DBX2: variants seen among roughly 807,000 people sequenced by gnomAD.
DBX2 encodes the protein developing brain homeobox 2.
Under a neutral mutation model 17.7 loss-of-function variants are expected in DBX2, and 16 were observed. The observed-to-expected ratio is 0.90, with a 90% CI of 0.61 to 1.37. DBX2 has a LOEUF of 1.37. DBX2 is among the 40% of genes most tolerant of loss of function. The pLI, the probability that DBX2 is intolerant of heterozygous loss-of-function variation, is 0.00. For missense variants in DBX2, 538 were observed against 433.8 expected, an observed-to-expected ratio of 1.24 and a Z score of -2.13; for synonymous variants, 255 against 183.8, an observed-to-expected ratio of 1.39 and a Z score of -3.13.
intron 2 of DBX2, among the ~76,000 whole-genome samples, chr12:45,032,311 A>C (rs1241675751): frequency 6.6e-6 from 1 of 152,170 alleles, no homozygotes; most frequent in Non-Finnish European, 1.5e-5. Flanking sequence ...TTAGAAAAAA[A>C]ATTCTGCATC....
At chr12:45,036,188 G>T in intron 1 of DBX2, 74 bp from the exon 2 acceptor site, 1 of 1,303,760 alleles carries the variant, frequency 7.7e-7, no homozygotes, top group Non-Finnish European at 1.0e-6. Flanking sequence ...TTTCCTAAAA[G>T]TCATTGAGTA....
At chr12:45,041,862 C>G (rs1404823692) in intron 1 of DBX2, among the ~76,000 whole-genome samples, 1 of 152,124 alleles carries the variant, frequency 6.6e-6, no homozygotes, top group Non-Finnish European at 1.5e-5. Flanking sequence ...AGATTTGAGT[C>G]TGCTGGTTAA....
At chr12:45,019,673 T>C (rs1392870493) in intron 3 of DBX2, among the ~76,000 whole-genome samples, 1 of 152,046 alleles carries the variant, frequency 6.6e-6, no homozygotes, top group Admixed American at 6.6e-5. Context: ...GGAAGTAACT[T>C]AAAATTGACG....
chr12:45,029,911 T>TAAATAAATAAATAAATAAAA (rs1478147925), intron 2 of DBX2, among the ~76,000 whole-genome samples: 35 of 144,334 alleles, frequency 2.4e-4, no homozygotes, highest in African/African-American at 9.0e-4. Context: ...AATAAATAAA[T>TAAATAAATAAATAAATAAAA]AAAAATAAAG....
At chr12:45,033,162 A>C (rs903161030) in intron 2 of DBX2, among the ~76,000 whole-genome samples, 1 of 152,212 alleles carries the variant, frequency 6.6e-6, no homozygotes, top group African/African-American at 2.4e-5. Flanking sequence ...AGAAGTTAAC[A>C]AGAAAAACTA....
At chr12:45,024,626 C>A (rs1232425585) in intron 2 of DBX2, among the ~76,000 whole-genome samples, 1 of 152,166 alleles carries the variant, frequency 6.6e-6, no homozygotes, top group Non-Finnish European at 1.5e-5. Context: ...TGAACACTTA[C>A]TATATGCCAG....
In DBX2 at chr12:45,050,775, C is replaced by G. The variant is rs1046908271; in HGVS notation, c.153G>C (p.Thr51=). Residue 51 remains threonine, a synonymous_variant, in exon 1 of 4, where the codon ACG becomes ACC. Transcript: ENST00000332700. ...GGGGCGCGGGCGGCTGCAGCCTGGGCGTTGGGGCGCCCCCGACCCGCAGCA... is the reference window on the plus strand; with the variant it reads ...GGGGCGCGGGCGGCTGCAGCCTGGGGGTTGGGGCGCCCCCGACCCGCAGCA... ...ENLLRVGGAP[T]PRLQPPAPHD... 1 of 1,514,758 alleles carries G rather than the reference C, an allele frequency of 6.6e-7. No individual in the cohort carries two copies. Among genetic ancestry groups the G allele is most frequent in the Admixed American group, 2.2e-5 (1 of 45,580 alleles). The allele number at this position is 1,514,758 out of a possible 1,614,324, so 93.8% of individuals were successfully genotyped here.
At chr12:45,032,087 T>C (rs1946413719) in intron 2 of DBX2, among the ~76,000 whole-genome samples, 1 of 146,162 alleles carries the variant, frequency 6.8e-6, no homozygotes, top group African/African-American at 2.5e-5. Flanking sequence ...ACTCCAATAC[T>C]TTCACTGCCT....
intron 2 of DBX2, among the ~76,000 whole-genome samples, chr12:45,031,577 T>C (rs1946411396): frequency 6.6e-6 from 1 of 152,202 alleles, no homozygotes; most frequent in Admixed American, 6.5e-5. Flanking sequence ...TCAATTTTTT[T>C]CCCAAAATTC....
Position 45,051,077 on chromosome 12 carries a change from G to C in DBX2, c.-150C>G. ...CAGGCAGGGAGGAAAGGCCACCCGG[G>C]ACGGCGGCGGACTTGGAACGATATT... On this transcript the variant is annotated 5_prime_UTR_variant, in exon 1 of 4. Coordinates refer to ENST00000332700, the MANE Select transcript of DBX2 (RefSeq NM_001004329.3). 1 of 850,858 alleles carries C rather than the reference G, an allele frequency of 1.2e-6. No individual in the cohort carries two copies. The allele number at this position is 850,858 out of a possible 1,614,324, so 52.7% of individuals were successfully genotyped here.
At chr12:45,049,964 T>G (rs1405914649) in intron 1 of DBX2, among the ~76,000 whole-genome samples, 1 of 152,044 alleles carries the variant, frequency 6.6e-6, no homozygotes, top group Non-Finnish European at 1.5e-5. Context: ...CCTAAAGTGA[T>G]CCAAAATTTA....
At chr12:45,047,644 C>A (rs2137033642) in intron 1 of DBX2, among the ~76,000 whole-genome samples, 1 of 152,190 alleles carries the variant, frequency 6.6e-6, no homozygotes, top group African/African-American at 2.4e-5. Context: ...AAAGGGAAAG[C>A]TAATTTCTTC....
chr12:45,040,669 G>C (rs1185407051), intron 1 of DBX2, among the ~76,000 whole-genome samples: 1 of 152,088 alleles, frequency 6.6e-6, no homozygotes, highest in Non-Finnish European at 1.5e-5. Context: ...TGGTGAACTA[G>C]CCTGATTTTT....
At chr12:45,048,059 A>G (rs1565587792) in intron 1 of DBX2, among the ~76,000 whole-genome samples, 1 of 152,192 alleles carries the variant, frequency 6.6e-6, no homozygotes, top group Admixed American at 6.5e-5. Flanking sequence ...AGCCTGATAC[A>G]TGGGAGACAC....
intron 3 of DBX2, among the ~76,000 whole-genome samples, chr12:45,020,503 G>A (rs1946345929): frequency 4.0e-5 from 6 of 151,888 alleles, no homozygotes; most frequent in Admixed American, 3.9e-4. Flanking sequence ...TAGGATAGAG[G>A]ATACCCTTGG....
At chr12:45,031,746 G>A (rs1415155536) in intron 2 of DBX2, among the ~76,000 whole-genome samples, 2 of 152,186 alleles carry the variant, frequency 1.3e-5, no homozygotes, top group Non-Finnish European at 2.9e-5. Context: ...GTACTCTGAT[G>A]TCTCTTGTTC....
rs1484015240 is a variant in DBX2 at position 45,050,965 on chromosome 12, C to G, written c.-38G>C. 2.2e-6 allele frequency: 3 copies of G among 1,376,834 alleles called. No homozygotes were observed. Among genetic ancestry groups the G allele is most frequent in the African/African-American group, 3.1e-5 (2 of 65,116 alleles). The allele number at this position is 1,376,834 out of a possible 1,614,324, so 85.3% of individuals were successfully genotyped here. A position where few individuals can be genotyped will look rare whatever the true frequency, so the allele number is the denominator to read the frequency against. ...ACCGGTCTGCTGCGCGCCCGCCTTG[C>G]GCCCGCCTGTCGCCCGGGCGCCCCG... is the stretch of plus-strand genomic sequence containing the variant. On this transcript the variant is annotated 5_prime_UTR_variant, in exon 1 of 4. Transcript: ENST00000332700.
At chr12:45,050,201 A>C (rs1254287046) in intron 1 of DBX2, among the ~76,000 whole-genome samples, 3 of 152,286 alleles carry the variant, frequency 2.0e-5, no homozygotes, top group African/African-American at 7.2e-5. Flanking sequence ...CTTGAGACTG[A>C]TCCAGGCAGG....
Position 45,016,188 on chromosome 12 carries a change from T to C in DBX2, c.*98A>G. 7.7e-7 allele frequency: 1 copy of C among 1,305,762 alleles called. No homozygotes were observed. Among genetic ancestry groups the C allele is most frequent in the Non-Finnish European group, 1.0e-6 (1 of 972,200 alleles). 80.9% of individuals were successfully genotyped at this position (1,305,762 alleles called of 1,614,324 possible). A position where few individuals can be genotyped will look rare whatever the true frequency, so the allele number is the denominator to read the frequency against. ...AGTTCATACATCGCTCCAAAGTTGT[T>C]AGGCTCTAAGCACTGATGAGGTACA... On this transcript the variant is annotated 3_prime_UTR_variant, in exon 4 of 4. Transcript: ENST00000332700.
Sources: gnomAD v4.1 joint callset for allele counts (sites outside exome capture counted in the v4.1 genomes callset) on GRCh38, gnomAD v4.1.1 for gene constraint, MANE v1.5 for transcripts, NCBI Gene and HGNC (gene_info 2026-07-23, HGNC 2026-07-21) for gene names.